Variants in CCSER1 observed in about 807,000 individuals in gnomAD.
CCSER1 encodes coiled-coil serine rich protein 1, also known as serine-rich coiled-coil domain-containing protein 1.
A neutral mutation model predicts 82.0 loss-of-function variants in CCSER1; 41 were observed. The ratio of observed to expected loss-of-function variants is 0.50; its 90% confidence interval spans 0.39 to 0.65. The LOEUF is 0.65. Ranked by LOEUF, CCSER1 falls within the 30% of genes least tolerant of loss-of-function variation. The probability of loss-of-function intolerance (pLI) is 0.00; values close to 1 mark genes in which losing one functional copy is unlikely to be tolerated. For synonymous variants in CCSER1, 414 were observed against 383.9 expected (o/e 1.08, Z -0.92); for missense variants, 1,119 against 1,064.2 (o/e 1.05, Z -0.72).
intron 10 of CCSER1, among the ~76,000 whole-genome samples, chr4:91,177,803 A>C (rs144691683): frequency 2.0e-5 from 3 of 151,978 alleles, no homozygotes; most frequent in African/African-American, 7.3e-5. Flanking sequence ...TGTTTCTTGC[A>C]TCTCTATCTC....
At chr4:90,723,235 T>C (rs1243815305) in intron 6 of CCSER1, among the ~76,000 whole-genome samples, 1 of 151,978 alleles carries the variant, frequency 6.6e-6, no homozygotes, top group African/African-American at 2.4e-5. Context: ...GATATATCTT[T>C]CTTAGGCTAA....
chr4:91,260,769 TA>T (rs1239961610), intron 10 of CCSER1, among the ~76,000 whole-genome samples: 1 of 150,958 alleles, frequency 6.6e-6, no homozygotes, highest in African/African-American at 2.5e-5. Context: ...TTTATTTTTT[TA>T]TTTTTTTTGA....
intron 5 of CCSER1, among the ~76,000 whole-genome samples, chr4:90,503,560 C>G (rs1055155124): frequency 1.3e-5 from 2 of 152,142 alleles, no homozygotes; most frequent in African/African-American, 2.4e-5. Flanking sequence ...TATCCCTCCC[C>G]ACTCCCTCAA....
chr4:90,643,097 T>C lies in CCSER1; in HGVS notation c.1932+14865T>C, dbSNP rs1398167575. Among the ~76,000 whole-genome samples, 5 of 152,160 alleles carry C rather than the reference T, an allele frequency of 3.3e-5. No individual in the cohort carries two copies. In the East Asian group the frequency reaches 9.6e-4, roughly 29 times the overall value. ...AAAAATAATGATTTCTCATGAAATA[T>C]TCACTTCACTTCTCTTGAAAACATG... On this transcript the variant is annotated intron_variant, in intron 6 of 10. Coordinates refer to ENST00000509176, the MANE Select transcript of CCSER1 (RefSeq NM_001145065.2).
chr4:91,321,803 T>C (rs981353981), intron 10 of CCSER1, among the ~76,000 whole-genome samples: 1 of 152,052 alleles, frequency 6.6e-6, no homozygotes, highest in Non-Finnish European at 1.5e-5. Flanking sequence ...CATCCTTTCC[T>C]CAAAGAAGCC....
intron 7 of CCSER1, among the ~76,000 whole-genome samples, chr4:90,808,023 T>C (rs901633232): frequency 1.3e-4 from 20 of 152,178 alleles, no homozygotes; most frequent in African/African-American, 3.9e-4. Flanking sequence ...CAAAACAATA[T>C]GGTACCTGTA....
chr4:91,070,727 C>CA (rs1721335885), intron 9 of CCSER1, among the ~76,000 whole-genome samples: 1 of 152,130 alleles, frequency 6.6e-6, no homozygotes, highest in Non-Finnish European at 1.5e-5. Context: ...AATTTCATCC[C>CA]AAAACCATCC....
intron 10 of CCSER1, among the ~76,000 whole-genome samples, chr4:91,121,719 G>A (rs1727106652): frequency 6.6e-6 from 1 of 151,436 alleles, no homozygotes; most frequent in South Asian, 2.1e-4. Flanking sequence ...TTTTTAAAAT[G>A]TAATACTTTC....
chr4:90,353,444 G>C (rs1372972803), intron 3 of CCSER1, among the ~76,000 whole-genome samples: 4 of 152,138 alleles, frequency 2.6e-5, no homozygotes, highest in Non-Finnish European at 5.9e-5. Flanking sequence ...TCATGGACCT[G>C]TTTTTCTCTG....
At chr4:90,820,382 T>C (rs724580) in intron 8 of CCSER1, among the ~76,000 whole-genome samples, 50,791 of 152,038 alleles carry the variant, frequency 0.33, 8,637 homozygotes, top group East Asian at 0.42. Flanking sequence ...GGCTGCTAAG[T>C]TCAAGATCAA....
At chr4:90,380,178 A>G (rs971243886) in intron 3 of CCSER1, among the ~76,000 whole-genome samples, 2 of 152,172 alleles carry the variant, frequency 1.3e-5, no homozygotes, top group Non-Finnish European at 2.9e-5. Context: ...GGGTTATAAT[A>G]AAAGCACTAG....
At chr4:90,830,653 C>A (rs1328065729) in intron 8 of CCSER1, among the ~76,000 whole-genome samples, 1 of 152,132 alleles carries the variant, frequency 6.6e-6, no homozygotes, top group Non-Finnish European at 1.5e-5. Flanking sequence ...AATTCACAAT[C>A]CCTACTCTAT....
intron 10 of CCSER1, among the ~76,000 whole-genome samples, chr4:91,460,037 A>G (rs1007191012): frequency 1.3e-5 from 2 of 152,166 alleles, no homozygotes; most frequent in African/African-American, 4.8e-5. Flanking sequence ...CCTTCTTCAC[A>G]TAGTCTCAAA....
At chr4:90,446,016 C>A (rs538445950) in intron 4 of CCSER1, among the ~76,000 whole-genome samples, 1 of 152,234 alleles carries the variant, frequency 6.6e-6, no homozygotes, top group South Asian at 2.1e-4. Flanking sequence ...TATCTTGGCC[C>A]TATTAGCCTA....
At chr4:91,237,214 G>T (rs1269437349) in intron 10 of CCSER1, among the ~76,000 whole-genome samples, 2 of 151,520 alleles carry the variant, frequency 1.3e-5, no homozygotes, top group Non-Finnish European at 2.9e-5. Flanking sequence ...CAATTCTTGT[G>T]CATGAACTAA....
chr4:90,873,760 T>C (rs1490870082), intron 8 of CCSER1, among the ~76,000 whole-genome samples: 1 of 152,112 alleles, frequency 6.6e-6, no homozygotes, highest in African/African-American at 2.4e-5. Context: ...TTTTTAAAGC[T>C]AACATTTGGG....
intron 3 of CCSER1, among the ~76,000 whole-genome samples, chr4:90,341,717 T>G (rs1741412431): frequency 6.6e-6 from 1 of 152,128 alleles, no homozygotes; most frequent in Non-Finnish European, 1.5e-5. Context: ...CAGTTTCTTT[T>G]TCTCTAGGCT....
chr4:90,522,691 G>A (rs565899964), intron 5 of CCSER1, among the ~76,000 whole-genome samples: 2 of 152,238 alleles, frequency 1.3e-5, no homozygotes, highest in Admixed American at 6.5e-5. Flanking sequence ...TCAGAAGACT[G>A]TGACTTCCAT....
chr4:91,508,308 TA>T (rs1759635068), intron 10 of CCSER1, among the ~76,000 whole-genome samples: 1 of 84,114 alleles, frequency 1.2e-5, no homozygotes, highest in Admixed American at 1.1e-4. Flanking sequence ...ACACCCAATA[TA>T]AAAACATGGT....
Sources: allele counts gnomAD v4.1 joint callset (sites outside exome capture counted in the v4.1 genomes callset), GRCh38; gene constraint gnomAD v4.1.1; transcripts MANE v1.5; gene names NCBI Gene and HGNC (gene_info 2026-07-23, HGNC 2026-07-21).